Variants in ERG observed in about 807,000 individuals in gnomAD.
The protein encoded by ERG is ETS transcription factor ERG.
In ERG, 9 loss-of-function variants were observed where a neutral mutation model predicts 55.3. The ratio of observed to expected loss-of-function variants is 0.16; its 90% confidence interval spans 0.10 to 0.28. ERG has a LOEUF of 0.28. Ranked by LOEUF, ERG falls within the 10% of genes least tolerant of loss-of-function variation. The probability of loss-of-function intolerance (pLI) is 1.00; values close to 1 mark genes in which losing one functional copy is unlikely to be tolerated. For synonymous variants in ERG, 223 were observed against 237.3 expected (o/e 0.94, Z 0.55); for missense variants, 434 against 631.6 (o/e 0.69, Z 3.35).
chr21:38,380,178 G>A lies in ERG; in HGVS notation c.*3225C>T, dbSNP rs533546967. The A allele has an allele frequency of 5.8e-5, 61 of 1,046,712 alleles. No homozygotes were observed. The highest frequency in any genetic ancestry group is 4.6e-4 in the South Asian group (10 of 21,804). 64.8% of individuals were successfully genotyped at this position (1,046,712 alleles called of 1,614,324 possible). A position where few individuals can be genotyped will look rare whatever the true frequency, so the allele number is the denominator to read the frequency against. On this transcript the variant is annotated 3_prime_UTR_variant, in exon 10 of 10. Coordinates refer to ENST00000288319, the MANE Select transcript of ERG (RefSeq NM_182918.4). ...TCCAGGCAATGGGTCACTTTGGGGC[G>A]CTGCAGAACATCTGTGCTTTCCCTG... is the stretch of plus-strand genomic sequence containing the variant.
chr21:38,453,782 G>T (rs1196979310), intron 1 of ERG, among the ~76,000 whole-genome samples: 1 of 151,572 alleles, frequency 6.6e-6, no homozygotes, highest in Non-Finnish European at 1.5e-5. Flanking sequence ...TACTCAGGAG[G>T]CTGAGACAAG....
chr21:38,449,632 C>T (rs2058922580), intron 1 of ERG, among the ~76,000 whole-genome samples: 1 of 152,188 alleles, frequency 6.6e-6, no homozygotes, highest in South Asian at 2.1e-4. Flanking sequence ...TGAATGCATA[C>T]TGACATTTTC....
chr21:38,608,387 A>G (rs2060208080), intron 1 of ERG, among the ~76,000 whole-genome samples: 1 of 152,248 alleles, frequency 6.6e-6, no homozygotes, highest in South Asian at 2.1e-4. Context: ...AAAGCTTGGT[A>G]ATAAGGAGCA....
At chr21:38,642,352 C>T (rs368627442) in intron 1 of ERG, among the ~76,000 whole-genome samples, 7 of 152,178 alleles carry the variant, frequency 4.6e-5, no homozygotes, top group South Asian at 2.1e-4. Flanking sequence ...TGTATGCTCA[C>T]GGTAAACAAA....
intron 2 of ERG, among the ~76,000 whole-genome samples, chr21:38,511,308 T>G (rs1200055815): frequency 6.6e-6 from 1 of 152,202 alleles, no homozygotes; most frequent in Non-Finnish European, 1.5e-5. Flanking sequence ...AATATGAAAT[T>G]ATTTCCAGCA....
chr21:38,433,754 C>T (rs746699692), intron 2 of ERG, among the ~76,000 whole-genome samples: 1 of 152,188 alleles, frequency 6.6e-6, no homozygotes, highest in Non-Finnish European at 1.5e-5. Context: ...TTCACCCTCA[C>T]TTCAGAACAC....
intron 2 of ERG, among the ~76,000 whole-genome samples, chr21:38,559,085 A>G (rs2212603): frequency 0.87 from 132,441 of 152,192 alleles, 57,817 homozygotes; most frequent in South Asian, 0.92. Context: ...CCACAATGAA[A>G]GCAAAAGAGC....
intron 2 of ERG, among the ~76,000 whole-genome samples, chr21:38,506,285 T>A (rs1221521050): frequency 1.3e-5 from 2 of 152,144 alleles, no homozygotes; most frequent in Admixed American, 6.6e-5. Context: ...AAATGTAGAG[T>A]ATGTTTGTTT....
chr21:38,639,423 A>T (rs1171440002), intron 1 of ERG, among the ~76,000 whole-genome samples: 1 of 152,238 alleles, frequency 6.6e-6, no homozygotes, highest in Non-Finnish European at 1.5e-5. Flanking sequence ...ACAGCCATTA[A>T]AAAAACAGTT....
At chr21:38,486,018 T>C (rs1487132330) in intron 1 of ERG, among the ~76,000 whole-genome samples, 1 of 151,708 alleles carries the variant, frequency 6.6e-6, no homozygotes, top group Non-Finnish European at 1.5e-5. Flanking sequence ...ACAGCAACCT[T>C]TGCCTCCCAG....
intron 1 of ERG, among the ~76,000 whole-genome samples, chr21:38,466,380 T>C (rs1366378155): frequency 2.0e-5 from 3 of 151,706 alleles, no homozygotes; most frequent in Non-Finnish European, 2.9e-5. Context: ...TTTATATATA[T>C]ATAAATCATC....
chr21:38,646,441 T>C (rs754958541), intron 1 of ERG, among the ~76,000 whole-genome samples: 14 of 152,192 alleles, frequency 9.2e-5, no homozygotes, highest in Non-Finnish European at 2.1e-4. Context: ...CTGCAGGTGA[T>C]GAGGAGAGAC....
chr21:38,660,149 C>T (rs1054291592), intron 1 of ERG, among the ~76,000 whole-genome samples: 2 of 152,094 alleles, frequency 1.3e-5, no homozygotes, highest in Admixed American at 1.3e-4. Flanking sequence ...ACAGTGACAA[C>T]CCAGCCTCAA....
intron 3 of ERG, among the ~76,000 whole-genome samples, chr21:38,405,039 T>C (rs978020640): frequency 1.3e-5 from 2 of 152,064 alleles, no homozygotes; most frequent in Non-Finnish European, 2.9e-5. Context: ...TTCAGCTACA[T>C]AGAAGAAAGA....
intron 2 of ERG, chr21:38,575,606 G>C: frequency 7.5e-7 from 1 of 1,335,860 alleles, no homozygotes; most frequent in Non-Finnish European, 1.1e-6. Flanking sequence ...TGCTATCCAT[G>C]AAAACCTAGG....
At chr21:38,587,957 C>CA (rs1424958892), upstream of ERG, among the ~76,000 whole-genome samples, 2 of 152,224 alleles carry the variant, frequency 1.3e-5, no homozygotes, top group African/African-American at 4.8e-5. Context: ...TAAATATGTG[C>CA]AATGGGTATT....
intron 2 of ERG, among the ~76,000 whole-genome samples, chr21:38,507,566 G>C (rs1202549544): frequency 1.0e-5 from 1 of 96,482 alleles, no homozygotes; most frequent in Non-Finnish European, 2.3e-5. Context: ...GAATGAAGCC[G>C]GCCACAGAGC....
intron 1 of ERG, among the ~76,000 whole-genome samples, chr21:38,617,954 G>A (rs973647207): frequency 6.6e-6 from 1 of 152,150 alleles, no homozygotes; most frequent in Non-Finnish European, 1.5e-5. Context: ...GAGACCACAG[G>A]CAGGACAAGG....
rs200798123 is a variant in ERG, at chr21:38,485,473, T to TC, written c.18+12889_18+12890insG. The stretch of plus-strand genomic sequence containing the variant: ...GTAAATATACAGTCTTTTTTTTTTT[T>TC]TTTTTGAGATGGAGTCTCGCTGTGT... On this transcript the variant is annotated intron_variant, in intron 1 of 9. Transcript: ENST00000288319. 1.5e-3 allele frequency among the ~76,000 whole-genome samples: 227 copies of TC among 150,524 alleles called. 4 individuals carry two copies. The East Asian group carries it at 0.039, about 26-fold the overall frequency.
Sources: gnomAD v4.1 joint callset for allele counts (sites outside exome capture counted in the v4.1 genomes callset) on GRCh38, gnomAD v4.1.1 for gene constraint, MANE v1.5 for transcripts, NCBI Gene and HGNC (gene_info 2026-07-23, HGNC 2026-07-21) for gene names.